Variants in OR2F1 observed in about 807,000 individuals in gnomAD.
OR2F1 encodes olfactory receptor family 2 subfamily F member 1.
For missense variants in OR2F1, 389 were observed against 378.2 expected (o/e 1.03, Z -0.24); for synonymous variants, 146 against 155.3 (o/e 0.94, Z 0.44).
intron 2 of OR2F1, 120 bp from the exon 3 acceptor site, chr7:143,959,828 T>G: frequency 1.6e-6 from 1 of 626,658 alleles, no homozygotes; most frequent in Non-Finnish European, 2.8e-6. Flanking sequence ...GACTCTCATT[T>G]TGGCCAATAA....
Position 143,963,351 on chromosome 7 carries a change from G to A in OR2F1, c.*2427G>A, listed in dbSNP as rs1481843433. The stretch of plus-strand genomic sequence containing the variant: ...CTTCAAACAACTCCTAAGCATGTTG[G>A]GGTTCTTCCTGGAAGGGTTATCCAA... On this transcript the variant is annotated 3_prime_UTR_variant, in exon 3 of 3. Coordinates refer to ENST00000641412, the MANE Select transcript of OR2F1 (RefSeq NM_012369.3). 1 of 152,102 alleles carries A rather than the reference G, an allele frequency of 6.6e-6. No individual in the cohort carries two copies. The highest frequency in any genetic ancestry group is 1.5e-5 in the Non-Finnish European group (1 of 68,036). 9.4% of individuals were successfully genotyped at this position (152,102 alleles called of 1,614,324 possible). A position where few individuals can be genotyped will look rare whatever the true frequency, so the allele number is the denominator to read the frequency against.
Position 143,961,031 on chromosome 7 carries a change from G to C in OR2F1, c.*107G>C. The C allele has an allele frequency of 1.2e-6, 1 of 809,290 alleles. No homozygotes were observed. The highest frequency in any genetic ancestry group is 2.6e-5 in the East Asian group (1 of 38,570). The allele number at this position is 809,290 out of a possible 1,614,324, so 50.1% of individuals were successfully genotyped here. On this transcript the variant is annotated 3_prime_UTR_variant, in exon 3 of 3. Transcript: ENST00000641412. Reference sequence around the variant, plus strand: ...CCCTGGCAACCAGGAAGGAGATGACGTAGCATGTACTGTGGATGTTATGGA... The same window carrying C: ...CCCTGGCAACCAGGAAGGAGATGACCTAGCATGTACTGTGGATGTTATGGA...
At position 143,955,085 on chromosome 7, in the gene OR2F1, T is replaced by C. The variant is rs2050274966; in HGVS notation, c.-198T>C. ...ACAGAGAAGACACATGGAGGATATT[T>C]TACCTGGGTCCAACAAAAGTAATTT... On this transcript the variant is annotated 5_prime_UTR_variant, in exon 1 of 3. Coordinates refer to ENST00000641412, the MANE Select transcript of OR2F1 (RefSeq NM_012369.3). 6.6e-6 allele frequency: 1 copy of C among 152,142 alleles called. No homozygotes were observed. The highest frequency in any genetic ancestry group is 2.4e-5 in the African/African-American group (1 of 41,434). 9.4% of individuals were successfully genotyped at this position (152,142 alleles called of 1,614,324 possible). A position where few individuals can be genotyped will look rare whatever the true frequency, so the allele number is the denominator to read the frequency against.
At chr7:143,955,162 A>G (rs1437327789) in intron 1 of OR2F1, 59 bp downstream of exon 1, 1 of 152,180 alleles carries the variant, frequency 6.6e-6, no homozygotes, top group East Asian at 1.9e-4. Context: ...TATGGCATAG[A>G]TTTTAAGAAA....
At position 143,961,831 on chromosome 7, in the gene OR2F1, A is replaced by G. The variant is rs1320049294; in HGVS notation, c.*907A>G. The G allele has an allele frequency of 2.6e-5, 4 of 152,228 alleles. No individual in the cohort carries two copies. Among genetic ancestry groups the G allele is most frequent in the Non-Finnish European group, 4.4e-5 (3 of 68,038 alleles). The allele number at this position is 152,228 out of a possible 1,614,324, so 9.4% of individuals were successfully genotyped here. On this transcript the variant is annotated 3_prime_UTR_variant, in exon 3 of 3. Transcript: ENST00000641412. ...CTTCAGCCAAAGTCAATGAAGGGTA[A>G]GATAATTTAATATGAAGTTTGGAAC...
At position 143,960,992 on chromosome 7, in the gene OR2F1, T is replaced by C; in HGVS notation, c.*68T>C. On this transcript the variant is annotated 3_prime_UTR_variant, in exon 3 of 3. Coordinates refer to ENST00000641412, the MANE Select transcript of OR2F1 (RefSeq NM_012369.3). ...CTCCACCCAGCTGAGATCTGACAGG[T>C]GTAAACTACATTGCCCTGGCAACCA... 2.4e-6 allele frequency: 3 copies of C among 1,242,150 alleles called. No homozygotes were observed. The highest frequency in any genetic ancestry group is 3.4e-6 in the Non-Finnish European group (3 of 878,072). 76.9% of individuals were successfully genotyped at this position (1,242,150 alleles called of 1,614,324 possible). A position where few individuals can be genotyped will look rare whatever the true frequency, so the allele number is the denominator to read the frequency against.
intron 1 of OR2F1, among the ~76,000 whole-genome samples, chr7:143,958,742 C>A (rs2050302710): frequency 6.6e-6 from 1 of 151,720 alleles, no homozygotes; most frequent in Non-Finnish European, 1.5e-5. Context: ...TATTTATGTT[C>A]AAAATTGATG....
rs951448157 is a variant in OR2F1, at chr7:143,955,729, C to T, written c.-180+626C>T. Among the ~76,000 whole-genome samples the T allele has an allele frequency of 3.9e-5, 6 of 151,958 alleles. 1 individual carries two copies. The highest frequency in any genetic ancestry group is 4.1e-4 in the South Asian group (2 of 4,824). ...TCAGTACTGTGTTCTGAGCAGGCAG[C>T]GTGAATTGGTTATTTTCAATGGTCA... On this transcript the variant is annotated intron_variant, in intron 1 of 2. Coordinates refer to ENST00000641412, the MANE Select transcript of OR2F1 (RefSeq NM_012369.3).
In OR2F1 at chr7:143,961,100, T is replaced by C. The variant is rs978083624; in HGVS notation, c.*176T>C. On this transcript the variant is annotated 3_prime_UTR_variant, in exon 3 of 3. Coordinates refer to ENST00000641412, the MANE Select transcript of OR2F1 (RefSeq NM_012369.3). ...TTGGATGGGGTGTGGGACGTGGGGT[T>C]ATATTTATGAACAGTGGAGTTAGAT... 1 of 596,304 alleles carries C rather than the reference T, an allele frequency of 1.7e-6. No individual in the cohort carries two copies. Among genetic ancestry groups the C allele is most frequent in the Non-Finnish European group, 3.0e-6 (1 of 330,160 alleles). The allele number at this position is 596,304 out of a possible 1,614,324, so 36.9% of individuals were successfully genotyped here. A position where few individuals can be genotyped will look rare whatever the true frequency, so the allele number is the denominator to read the frequency against.
rs780796034 is a variant in OR2F1 at position 143,960,318 on chromosome 7, G to T, written c.348G>T (p.Ala116=). 1 of 1,613,932 alleles carries T rather than the reference G, an allele frequency of 6.2e-7. No individual in the cohort carries two copies. Among genetic ancestry groups the T allele is most frequent in the African/African-American group, 1.3e-5 (1 of 74,872 alleles). Residue 116 remains alanine, a synonymous_variant, in exon 3 of 3, where the codon GCG becomes GCT. Coordinates refer to ENST00000641412, the MANE Select transcript of OR2F1 (RefSeq NM_012369.3). ...ALGGIEFVLL[A]VMAYDRYVAV... The stretch of plus-strand genomic sequence containing the variant: ...GTGGGATTGAGTTTGTTCTCCTGGC[G>T]GTGATGGCCTATGACCGCTATGTGG...
intron 1 of OR2F1, among the ~76,000 whole-genome samples, chr7:143,955,388 A>G (rs796769848): frequency 6.6e-6 from 1 of 152,174 alleles, no homozygotes; most frequent in Non-Finnish European, 1.5e-5. Flanking sequence ...CTGTTATACC[A>G]GTTGATAATG....
intron 1 of OR2F1, among the ~76,000 whole-genome samples, chr7:143,957,389 TG>T (rs1355776834): frequency 6.6e-6 from 1 of 152,194 alleles, no homozygotes; most frequent in Non-Finnish European, 1.5e-5. Flanking sequence ...AAAATATCTC[TG>T]GAACTGATGA....
Position 143,962,243 on chromosome 7 carries a change from C to T in OR2F1, c.*1319C>T, listed in dbSNP as rs1045065553. The T allele has an allele frequency of 6.6e-6, 1 of 152,084 alleles. No homozygotes were observed. Among genetic ancestry groups the T allele is most frequent in the African/African-American group, 2.4e-5 (1 of 41,398 alleles). The allele number at this position is 152,084 out of a possible 1,614,324, so 9.4% of individuals were successfully genotyped here. ...TGTTGAAGGCATATAACTCAAAGCCCATTTGACATCTGAATTTTATATTAA... is the reference window on the plus strand; with the variant it reads ...TGTTGAAGGCATATAACTCAAAGCCTATTTGACATCTGAATTTTATATTAA... On this transcript the variant is annotated 3_prime_UTR_variant, in exon 3 of 3. Coordinates refer to ENST00000641412, the MANE Select transcript of OR2F1 (RefSeq NM_012369.3).
rs1177741444 is a variant in OR2F1 at position 143,962,240 on chromosome 7, G to T, written c.*1316G>T. On this transcript the variant is annotated 3_prime_UTR_variant, in exon 3 of 3. Coordinates refer to ENST00000641412, the MANE Select transcript of OR2F1 (RefSeq NM_012369.3). ...CAGTGTTGAAGGCATATAACTCAAA[G>T]CCCATTTGACATCTGAATTTTATAT... 6.6e-6 allele frequency: 1 copy of T among 152,158 alleles called. No homozygotes were observed. The highest frequency in any genetic ancestry group is 6.5e-5 in the Admixed American group (1 of 15,278). The allele number at this position is 152,158 out of a possible 1,614,324, so 9.4% of individuals were successfully genotyped here.
chr7:143,955,565 A>G (rs1400261776), intron 1 of OR2F1, among the ~76,000 whole-genome samples: 1 of 152,176 alleles, frequency 6.6e-6, no homozygotes, highest in Non-Finnish European at 1.5e-5. Context: ...CTGTCTTACT[A>G]TATCACACAT....
In OR2F1 at chr7:143,958,999, G is replaced by C. The variant is rs2116936078; in HGVS notation, c.-133G>C. 1 of 151,284 alleles carries C rather than the reference G, an allele frequency of 6.6e-6. No individual in the cohort carries two copies. Among genetic ancestry groups the C allele is most frequent in the South Asian group, 2.1e-4 (1 of 4,774 alleles). The allele number at this position is 151,284 out of a possible 1,614,324, so 9.4% of individuals were successfully genotyped here. On this transcript the variant is annotated 5_prime_UTR_variant, in exon 2 of 3. Coordinates refer to ENST00000641412, the MANE Select transcript of OR2F1 (RefSeq NM_012369.3). ...GAAAAGAGCAAAAAAAAAAAAAAGA[G>C]AGAGACCGAAGTACAATTACAATCC...
intron 2 of OR2F1, 73 bp downstream of exon 2, chr7:143,959,181 T>C (rs935654720): frequency 6.6e-6 from 1 of 152,288 alleles, no homozygotes; most frequent in Non-Finnish European, 1.5e-5. Flanking sequence ...ATCGTGTTTG[T>C]TGGCTTACCT....
chr7:143,961,640 A>G lies in OR2F1; in HGVS notation c.*716A>G, dbSNP rs1263942154. ...TTGACAGTATTCAAACAGTTTGAGA[A>G]GGATTTTACTGCATATATAGGTATA... is the stretch of plus-strand genomic sequence containing the variant. On this transcript the variant is annotated 3_prime_UTR_variant, in exon 3 of 3. Transcript: ENST00000641412. The G allele has an allele frequency of 6.6e-6, 1 of 152,248 alleles. No individual in the cohort carries two copies. The highest frequency in any genetic ancestry group is 1.5e-5 in the Non-Finnish European group (1 of 68,056). 9.4% of individuals were successfully genotyped at this position (152,248 alleles called of 1,614,324 possible).
rs1229712397 is a variant in OR2F1 at position 143,962,667 on chromosome 7, G to A, written c.*1743G>A. ...GAGCAAGCATGAAAGTCCAAAAAAT[G>A]TTGGAAGTTCAATTTCAGGGCAGAG... On this transcript the variant is annotated 3_prime_UTR_variant, in exon 3 of 3. Transcript: ENST00000641412. 6.6e-6 allele frequency: 1 copy of A among 152,228 alleles called. No homozygotes were observed. Among genetic ancestry groups the A allele is most frequent in the African/African-American group, 2.4e-5 (1 of 41,444 alleles). The allele number at this position is 152,228 out of a possible 1,614,324, so 9.4% of individuals were successfully genotyped here. A position where few individuals can be genotyped will look rare whatever the true frequency, so the allele number is the denominator to read the frequency against.
Sources: gnomAD v4.1 joint callset for allele counts (sites outside exome capture counted in the v4.1 genomes callset) on GRCh38, gnomAD v4.1.1 for gene constraint, MANE v1.5 for transcripts, NCBI Gene and HGNC (gene_info 2026-07-23, HGNC 2026-07-21) for gene names.